LRRC4C: variants seen among roughly 807,000 people sequenced by gnomAD.
The protein encoded by LRRC4C is leucine rich repeat containing 4C, also known as leucine-rich repeat-containing protein 4C.
In LRRC4C, 5 loss-of-function variants were observed where a neutral mutation model predicts 33.6. The observed-to-expected ratio is 0.15, with a 90% CI of 0.08 to 0.31. The LOEUF is 0.31. Among genes scored for constraint, LRRC4C ranks in the 10% least tolerant of loss-of-function variants. The probability of loss-of-function intolerance (pLI) is 1.00; values close to 1 mark genes in which losing one functional copy is unlikely to be tolerated. For missense variants in LRRC4C, 560 were observed against 796.7 expected, an observed-to-expected ratio of 0.70 and a Z score of 3.58; for synonymous variants, 329 against 302.0, an observed-to-expected ratio of 1.09 and a Z score of -0.93.
At chr11:40,914,701 A>G (rs865907509) in intron 2 of LRRC4C, among the ~76,000 whole-genome samples, 11 of 152,196 alleles carry the variant, frequency 7.2e-5, no homozygotes, top group Non-Finnish European at 1.0e-4. Context: ...TGGCCAGGAC[A>G]ATCAGTCAGG....
rs571803686 is a variant in LRRC4C, at chr11:41,076,323, T to C, written c.-495-142600A>G. On this transcript the variant is annotated intron_variant, in intron 1 of 6. Coordinates refer to ENST00000528697, the MANE Select transcript of LRRC4C (RefSeq NM_001258419.2). Reference sequence around the variant, plus strand: ...CTTCAAGTATTGCCAGATGTATTAGTCCATCCTCACAATGCTATAAAGAAC... The same window carrying C: ...CTTCAAGTATTGCCAGATGTATTAGCCCATCCTCACAATGCTATAAAGAAC... 7.2e-5 allele frequency among the ~76,000 whole-genome samples: 11 copies of C among 152,330 alleles called. No homozygotes were observed. The South Asian group carries it at 1.0e-3, about 14-fold the overall frequency.
intron 1 of LRRC4C, among the ~76,000 whole-genome samples, chr11:41,071,049 C>T (rs1938637305): frequency 6.6e-6 from 1 of 152,176 alleles, no homozygotes; most frequent in Non-Finnish European, 1.5e-5. Flanking sequence ...TGGTCATATA[C>T]ACCATGGAAT....
At chr11:40,342,220 C>T (rs1341112187) in intron 3 of LRRC4C, among the ~76,000 whole-genome samples, 2 of 152,168 alleles carry the variant, frequency 1.3e-5, no homozygotes, top group African/African-American at 4.8e-5. Context: ...CCTGTAATCA[C>T]AGCACTTTGG....
chr11:40,326,975 C>T (rs1303840500), intron 3 of LRRC4C, among the ~76,000 whole-genome samples: 1 of 152,142 alleles, frequency 6.6e-6, no homozygotes. Context: ...GAAATGTAGA[C>T]TGGTTTTGAA....
At chr11:41,325,576 TTTGTGTGTGTGTG>T (rs1307457853) in intron 1 of LRRC4C, among the ~76,000 whole-genome samples, 4 of 65,466 alleles carry the variant, frequency 6.1e-5, no homozygotes, top group South Asian at 4.4e-4. Flanking sequence ...GTTTTTTTTT[TTTGTGTGTGTGTG>T]TGTGTGTGTG....
chr11:40,392,049 G>T (rs1029413688), intron 3 of LRRC4C, among the ~76,000 whole-genome samples: 36 of 152,188 alleles, frequency 2.4e-4, no homozygotes, highest in Admixed American at 2.0e-3. Context: ...AGTATAAAAA[G>T]GCTACATACT....
chr11:40,267,522 T>C (rs1337524286), intron 4 of LRRC4C, among the ~76,000 whole-genome samples: 1 of 152,130 alleles, frequency 6.6e-6, no homozygotes, highest in Admixed American at 6.5e-5. Context: ...CGGCTAATTT[T>C]TTGTATTTTC....
chr11:40,580,793 G>T (rs769509266), intron 3 of LRRC4C, among the ~76,000 whole-genome samples: 10 of 152,172 alleles, frequency 6.6e-5, no homozygotes, highest in Non-Finnish European at 1.5e-4. Context: ...TGGATAGACA[G>T]GATTTTCATT....
intron 3 of LRRC4C, among the ~76,000 whole-genome samples, chr11:40,496,183 T>C (rs1401972633): frequency 1.3e-5 from 2 of 152,034 alleles, no homozygotes; most frequent in African/African-American, 2.4e-5. Context: ...GACAGGAAAA[T>C]AATGATTTCA....
chr11:40,138,428 G>A (rs1047169531), intron 6 of LRRC4C, among the ~76,000 whole-genome samples: 1 of 152,144 alleles, frequency 6.6e-6, no homozygotes, highest in African/African-American at 2.4e-5. Flanking sequence ...CATTTCTAAA[G>A]GGATGAAGAC....
chr11:40,759,883 C>T (rs957983405), intron 2 of LRRC4C, among the ~76,000 whole-genome samples: 8 of 148,960 alleles, frequency 5.4e-5, no homozygotes, highest in African/African-American at 2.0e-4. Flanking sequence ...AACCTATATG[C>T]ACTGAGAGTT....
chr11:40,595,085 C>T (rs1959201621), intron 3 of LRRC4C, among the ~76,000 whole-genome samples: 1 of 151,914 alleles, frequency 6.6e-6, no homozygotes. Flanking sequence ...GAGCCTTACA[C>T]AATTTGATTT....
intron 4 of LRRC4C, among the ~76,000 whole-genome samples, chr11:40,290,107 G>A (rs1944093011): frequency 6.6e-6 from 1 of 152,078 alleles, no homozygotes; most frequent in Admixed American, 6.6e-5. Context: ...TTTCAAGGCT[G>A]GGGTTCCCAT....
intron 3 of LRRC4C, among the ~76,000 whole-genome samples, chr11:40,387,576 G>C (rs1949160366): frequency 6.6e-6 from 1 of 152,130 alleles, no homozygotes; most frequent in South Asian, 2.1e-4. Flanking sequence ...CTTTAATAGA[G>C]AGTCAAGTCT....
intron 3 of LRRC4C, among the ~76,000 whole-genome samples, chr11:40,546,506 C>T (rs1442326639): frequency 6.6e-6 from 1 of 151,944 alleles, no homozygotes; most frequent in Non-Finnish European, 1.5e-5. Flanking sequence ...CATAGATGCA[C>T]CCTATGGATG....
intron 5 of LRRC4C, among the ~76,000 whole-genome samples, chr11:40,218,618 G>GTCTATCTATC (rs1554977104): frequency 7.0e-6 from 1 of 141,886 alleles, no homozygotes; most frequent in African/African-American, 2.8e-5. Flanking sequence ...ATGTATGTAT[G>GTCTATCTATC]TATGTATGTA....
At chr11:40,554,911 C>CG (rs1254247987) in intron 3 of LRRC4C, among the ~76,000 whole-genome samples, 1 of 147,092 alleles carries the variant, frequency 6.8e-6, no homozygotes, top group African/African-American at 2.7e-5. Context: ...TTAGTAGAGA[C>CG]GGGGTTTCAC....
At chr11:40,421,401 T>C (rs145054817) in intron 3 of LRRC4C, among the ~76,000 whole-genome samples, 1 of 152,300 alleles carries the variant, frequency 6.6e-6, no homozygotes, top group African/African-American at 2.4e-5. Flanking sequence ...CTGGTGGCCT[T>C]TGTAATAGGG....
In LRRC4C at chr11:40,695,667, C is replaced by T. The variant is rs573575702; in HGVS notation, c.-406-47389G>A. On this transcript the variant is annotated intron_variant, in intron 2 of 6. Transcript: ENST00000528697. ...TGTAGGGGAGAATCAATTTCCTTGC[C>T]TCTTCTAGCACCTAGAGGCTGCCTG... Among the ~76,000 whole-genome samples, 105 of 152,160 alleles carry T rather than the reference C, an allele frequency of 6.9e-4. 1 individual carries two copies. The highest frequency in any genetic ancestry group is 2.0e-3 in the Admixed American group (30 of 15,282).
Sources: allele counts gnomAD v4.1 joint callset (sites outside exome capture counted in the v4.1 genomes callset), GRCh38; gene constraint gnomAD v4.1.1; transcripts MANE v1.5; gene names NCBI Gene and HGNC (gene_info 2026-07-23, HGNC 2026-07-21).